The following CADPS2 variants were observed in gnomAD, a reference collection of about 807,000 sequenced individuals.
CADPS2 encodes calcium-dependent secretion activator 2.
A neutral mutation model predicts 172.5 loss-of-function variants in CADPS2; 93 were observed. The ratio of observed to expected loss-of-function variants is 0.54; its 90% CI spans 0.46 to 0.64. CADPS2 has a LOEUF of 0.64. CADPS2 is among the 30% of genes least tolerant of loss of function. The pLI, the probability that CADPS2 is intolerant of heterozygous loss-of-function variation, is 0.00. For synonymous variants in CADPS2, 546 were observed against 555.2 expected (o/e 0.98, Z 0.23); for missense variants, 1,420 against 1,565.9 (o/e 0.91, Z 1.57).
At chr7:122,555,172 T>C (rs1309004051) in intron 7 of CADPS2, among the ~76,000 whole-genome samples, 2 of 152,132 alleles carry the variant, frequency 1.3e-5, no homozygotes, top group Admixed American at 6.6e-5. Context: ...CAATTAGAGA[T>C]GGAAAACAGC....
intron 2 of CADPS2, among the ~76,000 whole-genome samples, chr7:122,669,586 C>T (rs556256853): frequency 6.3e-4 from 95 of 151,824 alleles, no homozygotes; most frequent in African/African-American, 1.7e-3. Flanking sequence ...GGAAGAGTAA[C>T]GATCTGAAAG....
chr7:122,831,046 T>A (rs1319147959), intron 1 of CADPS2, among the ~76,000 whole-genome samples: 1 of 152,214 alleles, frequency 6.6e-6, no homozygotes, highest in Non-Finnish European at 1.5e-5. Flanking sequence ...GGGGCCCTAC[T>A]ATTAGGCTAC....
At chr7:122,399,660 C>CTTTTTTTTTTTTTTTTTTTTTTTTTTTT (rs1008163151) in intron 20 of CADPS2, among the ~76,000 whole-genome samples, 5 of 51,228 alleles carry the variant, frequency 9.8e-5, no homozygotes, top group Non-Finnish European at 7.4e-5. Flanking sequence ...GGGTGGGTTT[C>CTTTTTTTTTTTTTTTTTTTTTTTTTTTT]TTTTTTTTTT....
chr7:122,697,139 T>C (rs1335539528), intron 2 of CADPS2, among the ~76,000 whole-genome samples: 2 of 152,160 alleles, frequency 1.3e-5, no homozygotes, highest in Admixed American at 1.3e-4. Context: ...GACACTAAAA[T>C]AGTTGCTGTT....
At chr7:122,597,477 C>A (rs2072007859) in intron 6 of CADPS2, among the ~76,000 whole-genome samples, 1 of 151,978 alleles carries the variant, frequency 6.6e-6, no homozygotes, top group South Asian at 2.1e-4. Context: ...GGGACCTCTG[C>A]AAGATGATTA....
intron 3 of CADPS2, among the ~76,000 whole-genome samples, chr7:122,641,099 CT>C (rs1225229177): frequency 1.3e-5 from 2 of 151,590 alleles, no homozygotes; most frequent in East Asian, 3.9e-4. Flanking sequence ...TTTTTTTTTA[CT>C]TTTAACTTCT....
At chr7:122,711,258 A>G (rs1486609986) in intron 2 of CADPS2, among the ~76,000 whole-genome samples, 1 of 152,170 alleles carries the variant, frequency 6.6e-6, no homozygotes, top group East Asian at 1.9e-4. Context: ...GCCATAAAGT[A>G]ATAACCATTT....
intron 25 of CADPS2, among the ~76,000 whole-genome samples, chr7:122,361,891 T>C (rs2040197279): frequency 6.6e-6 from 1 of 151,850 alleles, no homozygotes; most frequent in Admixed American, 6.6e-5. Context: ...CTAACCAACA[T>C]GGAGAAACCC....
intron 16 of CADPS2, 81 bp downstream of exon 16, chr7:122,441,431 G>A (rs2051340286): frequency 1.2e-6 from 1 of 837,908 alleles, no homozygotes; most frequent in Non-Finnish European, 1.8e-6. Flanking sequence ...GAATAACGGG[G>A]TCTGTCTCCC....
intron 1 of CADPS2, among the ~76,000 whole-genome samples, chr7:122,763,401 T>G (rs966038862): frequency 6.6e-6 from 1 of 152,132 alleles, no homozygotes; most frequent in African/African-American, 2.4e-5. Context: ...TGGCTAAAAT[T>G]GACAAACCCA....
chr7:122,710,824 T>C (rs531382058), intron 2 of CADPS2, among the ~76,000 whole-genome samples: 1 of 152,222 alleles, frequency 6.6e-6, no homozygotes, highest in South Asian at 2.1e-4. Context: ...TAGAGGCATA[T>C]ATGTCTGTCT....
intron 22 of CADPS2, among the ~76,000 whole-genome samples, chr7:122,392,989 A>G (rs1479996555): frequency 6.6e-6 from 1 of 152,098 alleles, no homozygotes; most frequent in African/African-American, 2.4e-5. Flanking sequence ...ACATTAAACT[A>G]GCGTGTTTTT....
intron 9 of CADPS2, among the ~76,000 whole-genome samples, chr7:122,505,113 ATAAT>A (rs1393863500): frequency 2.0e-5 from 3 of 152,226 alleles, no homozygotes; most frequent in Non-Finnish European, 4.4e-5. Flanking sequence ...AGCTCTTTAT[ATAAT>A]TAACATGTTC....
rs575733065 is a variant in CADPS2 at position 122,513,245 on chromosome 7, T to C, written c.1542+4A>G. On this transcript the variant is annotated splice_donor_region_variant and intron_variant, in intron 9 of 29. Coordinates refer to ENST00000449022, the MANE Select transcript of CADPS2 (RefSeq NM_017954.11). ...TGATTATTTAACAGGAAAAAATGAC[T>C]AACCTGAACTAGAACAAAGTAACGT... The C allele has an allele frequency of 6.6e-5, 102 of 1,552,960 alleles. 1 individual carries two copies. In the South Asian group the frequency reaches 1.2e-3, roughly 18 times the overall value.
chr7:122,705,634 T>G (rs1437479748), intron 2 of CADPS2, among the ~76,000 whole-genome samples: 5 of 102,308 alleles, frequency 4.9e-5, no homozygotes, highest in Non-Finnish European at 7.1e-5. Context: ...TTATATATGA[T>G]ATATAATATA....
intron 8 of CADPS2, among the ~76,000 whole-genome samples, chr7:122,541,513 GT>G (rs113969612): frequency 0.53 from 72,034 of 136,536 alleles, 17,945 homozygotes; most frequent in Admixed American, 0.58. Context: ...GCCAATTTTT[GT>G]TTTTTTTTTT....
At chr7:122,620,265 T>C (rs34458584) in intron 5 of CADPS2, among the ~76,000 whole-genome samples, 2 of 152,150 alleles carry the variant, frequency 1.3e-5, no homozygotes, top group Non-Finnish European at 2.9e-5. Context: ...AATTAAAGTG[T>C]CACATTGTTA....
At chr7:122,480,189 C>A (rs1331580751) in intron 12 of CADPS2, 14 of 451,762 alleles carry the variant, frequency 3.1e-5, no homozygotes, top group Middle Eastern at 3.4e-4. Context: ...TCCAGAGAGT[C>A]AAAGAAAAAA....
chr7:122,516,507 C>G (rs910454075), intron 8 of CADPS2, among the ~76,000 whole-genome samples: 1 of 151,964 alleles, frequency 6.6e-6, no homozygotes, highest in South Asian at 2.1e-4. Context: ...CACTGCACTC[C>G]GGCCTGGGTG....
Sources: allele counts gnomAD v4.1 joint callset (sites outside exome capture counted in the v4.1 genomes callset), GRCh38; gene constraint gnomAD v4.1.1; transcripts MANE v1.5; gene names NCBI Gene and HGNC (gene_info 2026-07-23, HGNC 2026-07-21).